Variants in ARHGAP44 observed in about 807,000 individuals in gnomAD.
ARHGAP44 encodes the protein rho GTPase-activating protein 44.
ARHGAP44 carries 43 observed loss-of-function variants against 106.8 expected under a neutral mutation model. The ratio of observed to expected loss-of-function variants is 0.40; its 90% CI spans 0.32 to 0.52. The LOEUF (loss-of-function observed/expected upper bound fraction) is 0.52, where lower values mean the gene tolerates loss of function less well. ARHGAP44 is among the 20% of genes least tolerant of loss of function. The probability of loss-of-function intolerance (pLI) is 0.48; values close to 1 mark genes in which losing one functional copy is unlikely to be tolerated. For synonymous variants in ARHGAP44, 439 were observed against 410.3 expected (o/e 1.07, Z -0.85); for missense variants, 866 against 1,050.5 (o/e 0.82, Z 2.43).
chr17:12,871,639 T>TA (rs2036410667), intron 1 of ARHGAP44, among the ~76,000 whole-genome samples: 1 of 152,122 alleles, frequency 6.6e-6, no homozygotes, highest in South Asian at 2.1e-4. Flanking sequence ...CACCTCCCAC[T>TA]AGGCCCCTCG....
chr17:12,926,088 G>A (rs2038220460), intron 6 of ARHGAP44, among the ~76,000 whole-genome samples: 1 of 152,108 alleles, frequency 6.6e-6, no homozygotes. Context: ...AAATAGACCA[G>A]GCACGGTGGC....
chr17:12,907,683 A>T (rs1032701061), intron 3 of ARHGAP44, among the ~76,000 whole-genome samples: 2 of 152,146 alleles, frequency 1.3e-5, no homozygotes, highest in Non-Finnish European at 2.9e-5. Context: ...GTTCCATTTT[A>T]TGGATATACC....
At chr17:12,837,894 C>T (rs936193941) in intron 1 of ARHGAP44, among the ~76,000 whole-genome samples, 1 of 152,100 alleles carries the variant, frequency 6.6e-6, no homozygotes, top group African/African-American at 2.4e-5. Flanking sequence ...ATTATAATCT[C>T]ATATTTGAAG....
Position 12,954,563 on chromosome 17 carries a change from A to G in ARHGAP44, c.1137-1304A>G, listed in dbSNP as rs1277992359. On this transcript the variant is annotated intron_variant, in intron 13 of 20. Transcript: ENST00000379672. ...GTCACAGTGACAGCTAAGTGATTAC[A>G]TGGTAGGACATGAGTCTGCTGGACT... is the stretch of plus-strand genomic sequence containing the variant. Among the ~76,000 whole-genome samples the G allele has an allele frequency of 2.6e-5, 4 of 152,208 alleles. No homozygotes were observed. In the East Asian group the frequency reaches 7.7e-4, roughly 29 times the overall value.
At chr17:12,939,504 T>C (rs2079558) in intron 7 of ARHGAP44, among the ~76,000 whole-genome samples, 111,534 of 151,962 alleles carry the variant, frequency 0.73, 41,161 homozygotes, top group African/African-American at 0.79. Flanking sequence ...CTCTCTCTGT[T>C]GCCCAGGCTG....
chr17:12,979,942 G>A, intron 18 of ARHGAP44, 116 bp from the exon 19 acceptor site: 1 of 1,142,828 alleles, frequency 8.8e-7, no homozygotes. Context: ...ACAGACCAGA[G>A]CTGGGACAGA....
At chr17:12,944,716 C>G (rs996425433) in intron 10 of ARHGAP44, among the ~76,000 whole-genome samples, 8 of 151,086 alleles carry the variant, frequency 5.3e-5, no homozygotes, top group African/African-American at 1.2e-4. Flanking sequence ...GTCTCGATCC[C>G]TTGACCTTGT....
chr17:12,819,079 C>T (rs1349858256), intron 1 of ARHGAP44, among the ~76,000 whole-genome samples: 1 of 151,986 alleles, frequency 6.6e-6, no homozygotes, highest in Non-Finnish European at 1.5e-5. Flanking sequence ...ACATTTAGAT[C>T]CAACTCAGCA....
intron 16 of ARHGAP44, among the ~76,000 whole-genome samples, chr17:12,966,290 C>T (rs1210490587): frequency 7.0e-6 from 1 of 143,112 alleles, no homozygotes; most frequent in Non-Finnish European, 1.5e-5. Context: ...AAATGTGACT[C>T]CTATTTTGGT....
Position 12,845,401 on chromosome 17 carries a change from G to C in ARHGAP44, c.54-49539G>C, listed in dbSNP as rs144780872. On this transcript the variant is annotated intron_variant, in intron 1 of 20. Transcript: ENST00000379672. ...CAGGTGCCTGTAATCTCAGCTACTCGGGAGGCTGAGGCAGGAGAATTGCTT... is the reference window on the plus strand; with the variant it reads ...CAGGTGCCTGTAATCTCAGCTACTCCGGAGGCTGAGGCAGGAGAATTGCTT... 5.4e-3 allele frequency among the ~76,000 whole-genome samples: 813 copies of C among 151,524 alleles called. 9 individuals are homozygous for C. Among genetic ancestry groups the C allele is most frequent in the African/African-American group, 0.019 (777 of 41,222 alleles).
intron 13 of ARHGAP44, 31 bp downstream of exon 13, chr17:12,952,612 T>C: frequency 6.6e-7 from 1 of 1,510,762 alleles, no homozygotes; most frequent in Non-Finnish European, 9.0e-7. Context: ...TATAGACACA[T>C]GGCTTGGGCT....
chr17:12,804,558 A>C (rs868845246), intron 1 of ARHGAP44, among the ~76,000 whole-genome samples: 1 of 152,238 alleles, frequency 6.6e-6, no homozygotes, highest in Non-Finnish European at 1.5e-5. Context: ...TTAAGCCAGC[A>C]TTTTGAGTGT....
At chr17:12,837,777 G>A (rs527591734) in intron 1 of ARHGAP44, among the ~76,000 whole-genome samples, 1 of 152,210 alleles carries the variant, frequency 6.6e-6, no homozygotes, top group East Asian at 1.9e-4. Flanking sequence ...GGTAAATAAC[G>A]TTATTATACA....
intron 4 of ARHGAP44, among the ~76,000 whole-genome samples, chr17:12,913,439 A>G (rs1215728244): frequency 1.7e-4 from 26 of 152,172 alleles, no homozygotes; most frequent in Admixed American, 1.6e-3. Flanking sequence ...ACTCCAAATA[A>G]TATGGAGTCA....
intron 1 of ARHGAP44, among the ~76,000 whole-genome samples, chr17:12,803,206 A>G (rs1311602080): frequency 1.3e-5 from 2 of 151,458 alleles, no homozygotes; most frequent in African/African-American, 2.4e-5. Context: ...TCCTGACCTC[A>G]GGTGATCCAC....
chr17:12,986,989 G>A (rs2043659772), intron 20 of ARHGAP44: 1 of 985,222 alleles, frequency 1.0e-6, no homozygotes, highest in Admixed American at 2.4e-5. Context: ...ATGGTTTGAT[G>A]TGGCCCGTCT....
At chr17:12,935,019 T>C (rs1301222393) in intron 7 of ARHGAP44, among the ~76,000 whole-genome samples, 1 of 152,200 alleles carries the variant, frequency 6.6e-6, no homozygotes, top group Non-Finnish European at 1.5e-5. Flanking sequence ...GCAGGCATCC[T>C]CTGTGGCAGC....
intron 1 of ARHGAP44, among the ~76,000 whole-genome samples, chr17:12,881,883 G>A (rs930402122): frequency 1.3e-5 from 2 of 151,988 alleles, no homozygotes; most frequent in African/African-American, 4.8e-5. Flanking sequence ...GTAAGACAAC[G>A]TCTCACTATG....
Position 12,980,008 on chromosome 17 carries a change from C to T in ARHGAP44, c.1764-50C>T, listed in dbSNP as rs772968430. ...TGGCCATCGGCAAGGCTGGTGCTGCCGCTCACTGAGTTCAGGGCTTTTCTT... is the reference window on the plus strand; with the variant it reads ...TGGCCATCGGCAAGGCTGGTGCTGCTGCTCACTGAGTTCAGGGCTTTTCTT... On this transcript the variant is annotated intron_variant, in intron 18 of 20. Transcript: ENST00000379672. 1.6e-5 allele frequency: 24 copies of T among 1,527,294 alleles called. No individual in the cohort carries two copies. In the South Asian group the frequency reaches 2.4e-4, roughly 15 times the overall value. The allele number at this position is 1,527,294 out of a possible 1,614,324, so 94.6% of individuals were successfully genotyped here. A position where few individuals can be genotyped will look rare whatever the true frequency, so the allele number is the denominator to read the frequency against.
Sources: allele counts gnomAD v4.1 joint callset (sites outside exome capture counted in the v4.1 genomes callset), GRCh38; gene constraint gnomAD v4.1.1; transcripts MANE v1.5; gene names NCBI Gene and HGNC (gene_info 2026-07-23, HGNC 2026-07-21).